The following ABCD3 variants were observed in gnomAD, a reference collection of about 807,000 sequenced individuals.
ABCD3 encodes ATP binding cassette subfamily D member 3.
A neutral mutation model predicts 105.5 loss-of-function variants in ABCD3; 41 were observed. The ratio of observed to expected loss-of-function variants is 0.39; its 90% confidence interval spans 0.30 to 0.50. The LOEUF is 0.50. Among genes scored for constraint, ABCD3 ranks in the 20% least tolerant of loss-of-function variants. The probability of loss-of-function intolerance (pLI) is 0.84; values close to 1 mark genes in which losing one functional copy is unlikely to be tolerated. For synonymous variants in ABCD3, 258 were observed against 269.0 expected (o/e 0.96, Z 0.40); for missense variants, 622 against 806.3 (o/e 0.77, Z 2.77).
chr1:94,446,542 C>T (rs931455250), intron 1 of ABCD3, among the ~76,000 whole-genome samples: 12 of 152,192 alleles, frequency 7.9e-5, no homozygotes, highest in Non-Finnish European at 1.3e-4. Context: ...CTGATTGTGC[C>T]GTATGTGGAA....
chr1:94,476,776 A>C (rs1349043421), intron 7 of ABCD3, among the ~76,000 whole-genome samples: 5 of 152,162 alleles, frequency 3.3e-5, no homozygotes, highest in South Asian at 4.1e-4. Context: ...GCTCTCCAGA[A>C]GCCTTTGCTA....
intron 21 of ABCD3, among the ~76,000 whole-genome samples, chr1:94,511,725 G>A (rs909049360): frequency 1.3e-5 from 2 of 151,650 alleles, no homozygotes; most frequent in East Asian, 1.9e-4. Flanking sequence ...TTCCCTTCTC[G>A]CTTCATTTCA....
chr1:94,448,943 A>T (rs1186173637), intron 1 of ABCD3, among the ~76,000 whole-genome samples: 1 of 152,090 alleles, frequency 6.6e-6, no homozygotes, highest in Non-Finnish European at 1.5e-5. Context: ...TATTAACTTT[A>T]AATTTTTTTT....
chr1:94,515,907 T>C (rs1351315422), intron 22 of ABCD3, among the ~76,000 whole-genome samples: 1 of 149,546 alleles, frequency 6.7e-6, no homozygotes, highest in Non-Finnish European at 1.5e-5. Flanking sequence ...CTTTCTTCTC[T>C]TCTTTCCTTC....
At chr1:94,443,435 C>G (rs1244661776) in intron 1 of ABCD3, among the ~76,000 whole-genome samples, 2 of 151,924 alleles carry the variant, frequency 1.3e-5, no homozygotes, top group South Asian at 4.1e-4. Context: ...ATAGACTGTT[C>G]CTTTGTTGTG....
chr1:94,497,884 A>G (rs1649897383), intron 16 of ABCD3, among the ~76,000 whole-genome samples: 1 of 152,234 alleles, frequency 6.6e-6, no homozygotes, highest in African/African-American at 2.4e-5. Flanking sequence ...ATCTGAATAT[A>G]CTGACCTGGA....
rs115227585 is a variant in ABCD3, at chr1:94,476,543, A to G, written c.627+806A>G. 2.4e-3 allele frequency among the ~76,000 whole-genome samples: 359 copies of G among 152,302 alleles called. 1 individual carries two copies. The highest frequency in any genetic ancestry group is 8.3e-3 in the African/African-American group (346 of 41,568). On this transcript the variant is annotated intron_variant, in intron 7 of 22. Transcript: ENST00000370214. The stretch of plus-strand genomic sequence containing the variant: ...TGTCTCATACTGGACCAATGATAGT[A>G]TCTTTGCCTCTGGTCACAGTTGACC...
At chr1:94,506,724 T>G in intron 21 of ABCD3, 82 bp downstream of exon 21, 2 of 1,025,390 alleles carry the variant, frequency 2.0e-6, no homozygotes, top group Non-Finnish European at 1.5e-6. Flanking sequence ...AAAGAGAAGA[T>G]TCCAGGTCAC....
chr1:94,485,744 CCA>C (rs1649247811), intron 10 of ABCD3, among the ~76,000 whole-genome samples: 1 of 152,144 alleles, frequency 6.6e-6, no homozygotes, highest in Non-Finnish European at 1.5e-5. Context: ...ATGGATTCAA[CCA>C]CACAGATTGA....
At chr1:94,484,155 T>C (rs569193284) in intron 10 of ABCD3, among the ~76,000 whole-genome samples, 1 of 152,298 alleles carries the variant, frequency 6.6e-6, no homozygotes, top group East Asian at 1.9e-4. Flanking sequence ...CTGGAGAGGA[T>C]GTGGAGAAAT....
the ABCD3 span, among the ~76,000 whole-genome samples, chr1:94,403,619 T>C: frequency 6.6e-6 from 1 of 152,222 alleles, no homozygotes; most frequent in African/African-American, 2.4e-5. Context: ...TGTCTGTTTA[T>C]TGTAGATATG....
intron 21 of ABCD3, among the ~76,000 whole-genome samples, chr1:94,509,484 A>T (rs528473859): frequency 2.6e-5 from 4 of 152,206 alleles, no homozygotes; most frequent in Non-Finnish European, 5.9e-5. Flanking sequence ...CTTTGGTATC[A>T]GGATGATGCT....
intron 4 of ABCD3, among the ~76,000 whole-genome samples, chr1:94,470,351 AC>A (rs749280951): frequency 2.0e-5 from 3 of 152,200 alleles, no homozygotes; most frequent in Non-Finnish European, 4.4e-5. Context: ...TCTGGGCCCC[AC>A]CACTAGAGAT....
the ABCD3 span, among the ~76,000 whole-genome samples, chr1:94,388,842 C>T: frequency 2.4e-4 from 37 of 152,272 alleles, no homozygotes; most frequent in African/African-American, 8.9e-4. Flanking sequence ...AAACAAAAAA[C>T]AATTTAATGA....
At chr1:94,446,973 T>C (rs1660372327) in intron 1 of ABCD3, among the ~76,000 whole-genome samples, 2 of 152,204 alleles carry the variant, frequency 1.3e-5, no homozygotes, top group Admixed American at 6.5e-5. Flanking sequence ...CAACATATGA[T>C]GCCTGAAATC....
At chr1:94,500,803 G>T (rs952456744) in intron 20 of ABCD3, among the ~76,000 whole-genome samples, 1 of 152,056 alleles carries the variant, frequency 6.6e-6, no homozygotes, top group Non-Finnish European at 1.5e-5. Flanking sequence ...GCTATAACGT[G>T]AGATGAATCT....
chr1:94,399,942 T>C, the ABCD3 span, among the ~76,000 whole-genome samples: 7 of 152,126 alleles, frequency 4.6e-5, no homozygotes, highest in Non-Finnish European at 8.8e-5. Flanking sequence ...GGTCATAGCA[T>C]CTGGAGGCTG....
intron 15 of ABCD3, 59 bp from the exon 16 acceptor site, chr1:94,491,125 G>A (rs1173765487): frequency 1.7e-6 from 2 of 1,187,344 alleles, no homozygotes; most frequent in East Asian, 2.4e-5. Context: ...TTGGTATTGA[G>A]TTGTATTAGT....
At chr1:94,388,998 A>G in the ABCD3 span, among the ~76,000 whole-genome samples, 2 of 152,066 alleles carry the variant, frequency 1.3e-5, no homozygotes, top group Admixed American at 1.3e-4. Context: ...TTCCAACCAT[A>G]TTGGGCAAGC....
Sources: allele counts gnomAD v4.1 joint callset (sites outside exome capture counted in the v4.1 genomes callset), GRCh38; gene constraint gnomAD v4.1.1; transcripts MANE v1.5; gene names NCBI Gene and HGNC (gene_info 2026-07-23, HGNC 2026-07-21).